PHACTR2: variants seen among roughly 807,000 people sequenced by gnomAD.
PHACTR2 encodes chromosome 6 open reading frame 56.
PHACTR2 carries 30 observed loss-of-function variants against 76.0 expected under a neutral mutation model. That is an observed-to-expected ratio of 0.39 (90% CI 0.30 to 0.54). The LOEUF (loss-of-function observed/expected upper bound fraction) is 0.54, where lower values mean the gene tolerates loss of function less well. PHACTR2 is among the 20% of genes least tolerant of loss of function. PHACTR2 has a pLI of 0.61. For missense variants in PHACTR2, 696 were observed against 781.1 expected, an observed-to-expected ratio of 0.89 and a Z score of 1.30; for synonymous variants, 292 against 292.5, an observed-to-expected ratio of 1.00 and a Z score of 0.02.
Position 143,679,286 on chromosome 6 carries a change from A to C in PHACTR2, c.46+1077A>C, listed in dbSNP as rs1300906741. On this transcript the variant is annotated intron_variant, in intron 1 of 12. Transcript: ENST00000440869. The surrounding 1 kb of genome is among the most constrained non-coding windows in gnomAD (Gnocchi z 4.6). ...CCCTGAGATACCACAAGCTTTGCTG[A>C]GGTTTCTGTTAATACCACAGAAGAC... is the stretch of plus-strand genomic sequence containing the variant. Among the ~76,000 whole-genome samples, 2 of 152,180 alleles carry C rather than the reference A, an allele frequency of 1.3e-5. No homozygotes were observed. The highest frequency in any genetic ancestry group is 4.8e-5 in the African/African-American group (2 of 41,440).
chr6:143,608,704 G>A lies in PHACTR2; in HGVS notation c.13+382G>A, dbSNP rs973742604. Among the ~76,000 whole-genome samples, 4 of 152,200 alleles carry A rather than the reference G, an allele frequency of 2.6e-5. No homozygotes were observed. The highest frequency in any genetic ancestry group is 1.9e-4 in the East Asian group (1 of 5,198). On this transcript the variant is annotated intron_variant, in intron 1 of 11. Transcript: ENST00000305766. This position sits in a 1 kb window ranked among gnomAD's most constrained non-coding sequence, Gnocchi z 4.6. ...AGTTAATGAGCTGAGCAAAAATTCTGTGTAAATATTACAATATGCACAGTG... is the reference window on the plus strand; with the variant it reads ...AGTTAATGAGCTGAGCAAAAATTCTATGTAAATATTACAATATGCACAGTG...
At chr6:143,628,359 A>G (rs1375461624) in intron 1 of PHACTR2, among the ~76,000 whole-genome samples, 2 of 152,200 alleles carry the variant, frequency 1.3e-5, no homozygotes, top group Non-Finnish European at 2.9e-5. Flanking sequence ...ACAGTTCTGG[A>G]AGTCAGAAGT....
At position 143,807,124 on chromosome 6, in the gene PHACTR2, A is replaced by G; in HGVS notation, c.1913A>G (p.Gln638Arg). The G allele has an allele frequency of 1.9e-6, 3 of 1,598,912 alleles. No homozygotes were observed. The highest frequency in any genetic ancestry group is 2.6e-6 in the Non-Finnish European group (3 of 1,167,058). The change falls in exon 12 of 13, where the codon CAG becomes CGG. Residue 638 changes from glutamine to arginine, a missense_variant. By Grantham distance (43) the Gln-to-Arg change is conservative. Transcript: ENST00000440869. This position sits in a 1 kb window ranked among gnomAD's most constrained non-coding sequence, Gnocchi z 5.5. ...ATGGAAGTTCATGAAGAGAGTCGAC[A>G]GTTTACAAGGTAGGTGACAAAATGC... ...TEMEVHEESRQFTRFHRP is the reference protein window; with the variant it reads ...TEMEVHEESRRFTRFHRP
chr6:143,677,239 TGAA>T (rs1371865289), upstream of PHACTR2, among the ~76,000 whole-genome samples: 1 of 151,980 alleles, frequency 6.6e-6, no homozygotes, highest in African/African-American at 2.4e-5. Context: ...ATATATAGCA[TGAA>T]GATTACTTAT....
intron 1 of PHACTR2, among the ~76,000 whole-genome samples, chr6:143,574,934 G>C (rs1225181805): frequency 6.6e-6 from 1 of 152,120 alleles, no homozygotes; most frequent in Non-Finnish European, 1.5e-5. Flanking sequence ...CACGTTAATA[G>C]ACTTGTGAAA....
At chr6:143,713,549 G>A (rs1208433111) in intron 2 of PHACTR2, among the ~76,000 whole-genome samples, 2 of 152,220 alleles carry the variant, frequency 1.3e-5, no homozygotes, top group African/African-American at 4.8e-5. Context: ...TTCTGGGTTA[G>A]GAGGCAGTGA....
chr6:143,552,464 C>T lies in PHACTR2; in HGVS notation c.217+15257C>T, dbSNP rs546439371. Among the ~76,000 whole-genome samples, 46 of 152,280 alleles carry T rather than the reference C, an allele frequency of 3.0e-4. 1 individual carries two copies. The South Asian group carries it at 9.3e-3, about 31-fold the overall frequency. On this transcript the variant is annotated intron_variant, in intron 1 of 11. Transcript: ENST00000367584. ...GGGCAGGGAAGCAGGGAAATAACAA[C>T]AACCAACAAGAAAAGTTCCTGTGAA...
chr6:143,823,127 G>A lies in PHACTR2; in HGVS notation c.1923-547G>A, dbSNP rs969999147. ...GTGCAAAGGCAGGTTAACAAGGAAAGCTTTGTATAGTTGTGGACATGCTTA... is the reference window on the plus strand; with the variant it reads ...GTGCAAAGGCAGGTTAACAAGGAAAACTTTGTATAGTTGTGGACATGCTTA... On this transcript the variant is annotated intron_variant, in intron 12 of 12. Coordinates refer to ENST00000440869, the MANE Select transcript of PHACTR2 (RefSeq NM_001100164.2). The surrounding 1 kb of genome is among the most constrained non-coding windows in gnomAD (Gnocchi z 5.7). Among the ~76,000 whole-genome samples, 4 of 152,254 alleles carry A rather than the reference G, an allele frequency of 2.6e-5. No individual in the cohort carries two copies. The highest frequency in any genetic ancestry group is 9.6e-5 in the African/African-American group (4 of 41,464).
At position 143,610,990 on chromosome 6, in the gene PHACTR2, CAT is replaced by C. The variant is rs1356783369; in HGVS notation, c.13+2669_13+2670del. Among the ~76,000 whole-genome samples, 5 of 152,088 alleles carry C rather than the reference CAT, an allele frequency of 3.3e-5. No homozygotes were observed. The highest frequency in any genetic ancestry group is 2.4e-5 in the African/African-American group (1 of 41,408). The stretch of plus-strand genomic sequence containing the variant: ...AGAATGGCACACCTGTGACTACAAG[CAT>C]CATCAGCATTCTGCCAGTGCCACTA... On this transcript the variant is annotated intron_variant, in intron 1 of 11. Transcript: ENST00000305766. The surrounding 1 kb of genome is among the most constrained non-coding windows in gnomAD (Gnocchi z 4.9).
chr6:143,804,977 C>T (rs1023113233), intron 11 of PHACTR2, among the ~76,000 whole-genome samples: 3 of 152,114 alleles, frequency 2.0e-5, no homozygotes, highest in Non-Finnish European at 4.4e-5. Flanking sequence ...GAAGAATTTC[C>T]TCCTGGTTTT....
rs1184706755 is a variant in PHACTR2 at position 143,757,963 on chromosome 6, GCA to G, written c.455-2413_455-2412del. Reference sequence around the variant, plus strand: ...CGTGTGTGTGCATGCACACGTGCGCGCACACACACACACACACACACACACAT... The same window carrying G: ...CGTGTGTGTGCATGCACACGTGCGCGCACACACACACACACACACACACAT... On this transcript the variant is annotated intron_variant, in intron 4 of 12. Coordinates refer to ENST00000440869, the MANE Select transcript of PHACTR2 (RefSeq NM_001100164.2). The surrounding 1 kb of genome is among the most constrained non-coding windows in gnomAD (Gnocchi z 4.2). Among the ~76,000 whole-genome samples, 529 of 131,524 alleles carry G rather than the reference GCA, an allele frequency of 4.0e-3. 1 individual carries two copies. Among genetic ancestry groups the G allele is most frequent in the Middle Eastern group, 8.2e-3 (2 of 244 alleles). 86.3% of individuals were successfully genotyped at this position (131,524 alleles called of 152,430 possible).
intron 1 of PHACTR2, among the ~76,000 whole-genome samples, chr6:143,563,551 CA>C (rs76587878): frequency 0.014 from 409 of 29,970 alleles, 2 homozygotes; most frequent in African/African-American, 0.03. Flanking sequence ...AACTCCGTCT[CA>C]AAAAAAAAAA....
rs1775441617 is a variant in PHACTR2 at position 143,571,103 on chromosome 6, G to A, written c.217+33896G>A. On this transcript the variant is annotated intron_variant, in intron 1 of 11. Transcript: ENST00000367584. This position sits in a 1 kb window ranked among gnomAD's most constrained non-coding sequence, Gnocchi z 4.6. ...AATGGTAATATCTTACAAAACTGTAGTACAACGATGGAAATCAAGAAGGGA... is the reference window on the plus strand; with the variant it reads ...AATGGTAATATCTTACAAAACTGTAATACAACGATGGAAATCAAGAAGGGA... 6.6e-6 allele frequency among the ~76,000 whole-genome samples: 1 copy of A among 152,158 alleles called. No individual in the cohort carries two copies. Among genetic ancestry groups the A allele is most frequent in the African/African-American group, 2.4e-5 (1 of 41,438 alleles).
rs1021642785 is a variant in PHACTR2 at position 143,784,324 on chromosome 6, G to A, written c.1707+1044G>A. On this transcript the variant is annotated intron_variant, in intron 10 of 12. Coordinates refer to ENST00000440869, the MANE Select transcript of PHACTR2 (RefSeq NM_001100164.2). The surrounding 1 kb of genome is among the most constrained non-coding windows in gnomAD (Gnocchi z 4.5). ...TATGAATATATAAATCTGATGTTAG[G>A]GCCATCACTTTTTTCTGTGTTAAAG... Among the ~76,000 whole-genome samples, 1 of 152,074 alleles carries A rather than the reference G, an allele frequency of 6.6e-6. No homozygotes were observed. Among genetic ancestry groups the A allele is most frequent in the African/African-American group, 2.4e-5 (1 of 41,398 alleles).
intron 1 of PHACTR2, among the ~76,000 whole-genome samples, chr6:143,631,557 T>C (rs1776363516): frequency 6.6e-6 from 1 of 152,166 alleles, no homozygotes; most frequent in Non-Finnish European, 1.5e-5. Context: ...TCCGTGCCTA[T>C]GGTACACCCA....
At chr6:143,545,817 C>T (rs1562679742) in intron 1 of PHACTR2, among the ~76,000 whole-genome samples, 1 of 152,162 alleles carries the variant, frequency 6.6e-6, no homozygotes, top group Non-Finnish European at 1.5e-5. Context: ...GAATAAATAT[C>T]ACTTTCTATC....
chr6:143,622,323 C>T (rs1776168825), intron 1 of PHACTR2, among the ~76,000 whole-genome samples: 1 of 152,276 alleles, frequency 6.6e-6, no homozygotes, highest in East Asian at 1.9e-4. Flanking sequence ...TCCTAGGTCC[C>T]AGCTCCCCAG....
At position 143,653,193 on chromosome 6, in the gene PHACTR2, G is replaced by A. The variant is rs1776793536; in HGVS notation, c.13+44871G>A. Among the ~76,000 whole-genome samples, 1 of 152,166 alleles carries A rather than the reference G, an allele frequency of 6.6e-6. No individual in the cohort carries two copies. The highest frequency in any genetic ancestry group is 2.4e-5 in the African/African-American group (1 of 41,438). ...ACAAGGCCAGTCGCAAGACACGTCA[G>A]GAAGCAATTTGTGCATCGAGACTCG... On this transcript the variant is annotated intron_variant, in intron 1 of 11. Transcript: ENST00000305766. This position sits in a 1 kb window ranked among gnomAD's most constrained non-coding sequence, Gnocchi z 4.9.
chr6:143,806,982 C>A lies in PHACTR2; in HGVS notation c.1846-75C>A. 2 of 701,870 alleles carry A rather than the reference C, an allele frequency of 2.8e-6. No individual in the cohort carries two copies. The highest frequency in any genetic ancestry group is 1.9e-5 in the South Asian group (1 of 52,494). The allele number at this position is 701,870 out of a possible 1,614,324, so 43.5% of individuals were successfully genotyped here. A position where few individuals can be genotyped will look rare whatever the true frequency, so the allele number is the denominator to read the frequency against. On this transcript the variant is annotated intron_variant, in intron 11 of 12. Transcript: ENST00000440869. This position sits in a 1 kb window ranked among gnomAD's most constrained non-coding sequence, Gnocchi z 5.8. ...TTAAAAAAAAAAAAAAGGTCTGCTT[C>A]ATTGATGCTGTATATACTGGGGCAA...
Sources: allele counts gnomAD v4.1 joint callset (sites outside exome capture counted in the v4.1 genomes callset), GRCh38; gene constraint gnomAD v4.1.1; non-coding constraint Gnocchi (gnomAD v3.1); transcripts MANE v1.5; gene names NCBI Gene and HGNC (gene_info 2026-07-23, HGNC 2026-07-21).